The following KIF2A variants were observed in gnomAD, a reference collection of about 807,000 sequenced individuals.
The protein encoded by KIF2A is kinesin-like protein KIF2A.
A neutral mutation model predicts 100.2 loss-of-function variants in KIF2A; 22 were observed. That is an observed-to-expected ratio of 0.22 (90% CI 0.16 to 0.31). The LOEUF (loss-of-function observed/expected upper bound fraction) is 0.31. KIF2A is among the 10% of genes least tolerant of loss of function. The pLI is 1.00. For synonymous variants in KIF2A, 268 were observed against 285.9 expected, an observed-to-expected ratio of 0.94 and a Z score of 0.63; for missense variants, 495 against 898.7, an observed-to-expected ratio of 0.55 and a Z score of 5.74.
At chr5:62,328,377 G>C (rs547170284) in intron 1 of KIF2A, among the ~76,000 whole-genome samples, 1 of 148,626 alleles carries the variant, frequency 6.7e-6, no homozygotes, top group African/African-American at 2.5e-5. Flanking sequence ...ATATTACATC[G>C]TGATTTTAGA....
At chr5:62,379,040 C>T (rs1741662281) in intron 19 of KIF2A, among the ~76,000 whole-genome samples, 1 of 151,908 alleles carries the variant, frequency 6.6e-6, no homozygotes, top group African/African-American at 2.4e-5. Context: ...CTTTGGGAGG[C>T]CAGGGTGGAT....
rs1219221959 is a variant in KIF2A at position 62,353,278 on chromosome 5, G to A, written c.461G>A (p.Arg154His). 8.4e-6 allele frequency: 13 copies of A among 1,538,786 alleles called. No homozygotes were observed. Among genetic ancestry groups the A allele is most frequent in the African/African-American group, 2.8e-5 (2 of 71,376 alleles). Residue 154 changes from arginine (R) to histidine (H), a missense_variant, in exon 6 of 21, where the codon CGT becomes CAT. By Grantham distance (29) the Arg-to-His change is conservative (BLOSUM62 0). This residue lies in a region of KIF2A where 109 missense variants were observed against 244.2 expected (regional missense o/e 0.45). Transcript: ENST00000407818. The stretch of plus-strand genomic sequence containing the variant: ...ACAGCTCATCTTTTCTTTTCAGCAC[G>A]TAGAAAATCTAATTGTGTGAAAGAA... Reference protein sequence around the residue: ...AAKKEFGPPSRRKSNCVKEVE... With the variant: ...AAKKEFGPPSHRKSNCVKEVE...
chr5:62,341,475 A>G (rs200882538), intron 1 of KIF2A, among the ~76,000 whole-genome samples: 1 of 150,972 alleles, frequency 6.6e-6, no homozygotes, highest in Non-Finnish European at 1.5e-5. Flanking sequence ...TGATTTTTAA[A>G]TTTTTTTTAT....
At chr5:62,325,212 C>T (rs1247341062) in intron 1 of KIF2A, among the ~76,000 whole-genome samples, 2 of 152,056 alleles carry the variant, frequency 1.3e-5, no homozygotes, top group Non-Finnish European at 1.5e-5. Flanking sequence ...GAAACCTCCA[C>T]CTCCTGGGTC....
At chr5:62,369,124 A>G (rs779928921) in intron 16 of KIF2A, among the ~76,000 whole-genome samples, 1 of 152,230 alleles carries the variant, frequency 6.6e-6, no homozygotes, top group South Asian at 2.1e-4. Flanking sequence ...CTGTTCCTCT[A>G]GTTCACTTAG....
intron 16 of KIF2A, 105 bp downstream of exon 16, chr5:62,366,586 C>T: frequency 1.5e-6 from 1 of 649,166 alleles, no homozygotes; most frequent in East Asian, 3.1e-5. Flanking sequence ...AATCCTAGCA[C>T]TTTGGGAGGC....
intron 19 of KIF2A, 130 bp downstream of exon 19, chr5:62,377,892 G>T (rs1342029562): frequency 4.4e-6 from 2 of 457,798 alleles, no homozygotes; most frequent in Non-Finnish European, 7.6e-6. Flanking sequence ...TATTTGTAGG[G>T]CATGTGACAT....
intron 8 of KIF2A, 50 bp from the exon 9 acceptor site, chr5:62,358,087 C>T: frequency 2.2e-6 from 3 of 1,347,802 alleles, no homozygotes; most frequent in Non-Finnish European, 3.0e-6. Flanking sequence ...TGTACATGAA[C>T]TCAAATGCTG....
rs895892815 is a variant in KIF2A at position 62,387,895 on chromosome 5, T to C, written c.*2326T>C. The C allele has an allele frequency of 1.3e-5, 2 of 152,186 alleles. No homozygotes were observed. Among genetic ancestry groups the C allele is most frequent in the African/African-American group, 2.4e-5 (1 of 41,556 alleles). The allele number at this position is 152,186 out of a possible 1,614,324, so 9.4% of individuals were successfully genotyped here. On this transcript the variant is annotated 3_prime_UTR_variant, in exon 21 of 21. Coordinates refer to ENST00000407818, the MANE Select transcript of KIF2A (RefSeq NM_001098511.3). ...TGAAGCCAGATTTCAAAATCTGGCTTTGTTAAATTAATTGGAAACACTCTT... is the reference window on the plus strand; with the variant it reads ...TGAAGCCAGATTTCAAAATCTGGCTCTGTTAAATTAATTGGAAACACTCTT...
At chr5:62,356,786 CT>C (rs201800931) in intron 7 of KIF2A, among the ~76,000 whole-genome samples, 264 of 134,274 alleles carry the variant, frequency 2.0e-3, no homozygotes, top group Admixed American at 2.2e-3. Flanking sequence ...GATAATACAG[CT>C]TTTTTTTTTT....
At chr5:62,310,839 A>G (rs939808213) in intron 1 of KIF2A, among the ~76,000 whole-genome samples, 3 of 151,254 alleles carry the variant, frequency 2.0e-5, no homozygotes, top group Admixed American at 6.6e-5. Flanking sequence ...AAAACCTACA[A>G]TCTTTCTGTC....
At chr5:62,345,622 ACT>A (rs553423208) in intron 1 of KIF2A, among the ~76,000 whole-genome samples, 128 of 152,244 alleles carry the variant, frequency 8.4e-4, no homozygotes, top group African/African-American at 2.8e-3. Context: ...ACATAGTGAG[ACT>A]CTGTCTCTGT....
intron 1 of KIF2A, among the ~76,000 whole-genome samples, chr5:62,334,148 T>C (rs1039074253): frequency 6.6e-6 from 1 of 152,018 alleles, no homozygotes; most frequent in African/African-American, 2.4e-5. Flanking sequence ...CAATTTGTAC[T>C]TTCTGCCAGC....
rs1321942298 is a variant in KIF2A, at chr5:62,306,224, T to G, written c.-249T>G. 2 of 456,288 alleles carry G rather than the reference T, an allele frequency of 4.4e-6. No homozygotes were observed. Among genetic ancestry groups the G allele is most frequent in the Non-Finnish European group, 7.7e-6 (2 of 258,528 alleles). 28.3% of individuals were successfully genotyped at this position (456,288 alleles called of 1,614,324 possible). ...CCCTCCCACTCTACCCCGCGCCGTC[T>G]CACGGCCCCGGCCCTAGCTTCACCC... is the stretch of plus-strand genomic sequence containing the variant. On this transcript the variant is annotated 5_prime_UTR_variant, in exon 1 of 21. Coordinates refer to ENST00000407818, the MANE Select transcript of KIF2A (RefSeq NM_001098511.3).
intron 1 of KIF2A, among the ~76,000 whole-genome samples, chr5:62,333,173 T>C (rs1382372687): frequency 6.6e-6 from 1 of 152,232 alleles, no homozygotes; most frequent in Non-Finnish European, 1.5e-5. Context: ...CATACAAATA[T>C]AAATCTTTCC....
chr5:62,316,853 A>T (rs1246770496), intron 1 of KIF2A, among the ~76,000 whole-genome samples: 1 of 152,120 alleles, frequency 6.6e-6, no homozygotes, highest in Admixed American at 6.6e-5. Flanking sequence ...AGTTAAAACC[A>T]CTCTTGAAAT....
intron 1 of KIF2A, among the ~76,000 whole-genome samples, chr5:62,326,857 C>T (rs1746403796): frequency 6.6e-6 from 1 of 152,020 alleles, no homozygotes; most frequent in African/African-American, 2.4e-5. Flanking sequence ...GTTAGCAGGG[C>T]ATGGTAGCAC....
chr5:62,357,606 C>T, intron 7 of KIF2A, 85 bp from the exon 8 acceptor site: 1 of 643,626 alleles, frequency 1.6e-6, no homozygotes, highest in Non-Finnish European at 2.6e-6. Context: ...TTTCTAAAAC[C>T]CCTGGAGGAA....
chr5:62,324,381 A>G (rs1435344199), intron 1 of KIF2A, among the ~76,000 whole-genome samples: 3 of 152,234 alleles, frequency 2.0e-5, no homozygotes, highest in African/African-American at 7.2e-5. Flanking sequence ...ATATGAACCA[A>G]AAAAGAACCT....
Sources: allele counts gnomAD v4.1 joint callset (sites outside exome capture counted in the v4.1 genomes callset), GRCh38; gene constraint gnomAD v4.1.1; regional missense constraint gnomAD v4.1.1; transcripts MANE v1.5; gene names NCBI Gene and HGNC (gene_info 2026-07-23, HGNC 2026-07-21).